Variants in KAZN observed in about 807,000 individuals in gnomAD.
The protein encoded by KAZN is kazrin.
In KAZN, 40 loss-of-function variants were observed where a neutral mutation model predicts 87.4. The ratio of observed to expected loss-of-function variants is 0.46; its 90% CI spans 0.36 to 0.60. The LOEUF is 0.60. Among genes scored for constraint, KAZN ranks in the 20% least tolerant of loss-of-function variants. The pLI is 0.00. For synonymous variants in KAZN, 466 were observed against 458.3 expected (o/e 1.02, Z -0.22); for missense variants, 898 against 1,073.9 (o/e 0.84, Z 2.29).
At chr1:14,400,242 T>A (rs1240793326) in intron 2 of KAZN, among the ~76,000 whole-genome samples, 1 of 152,126 alleles carries the variant, frequency 6.6e-6, no homozygotes, top group Non-Finnish European at 1.5e-5. Context: ...AAGGAAGAAA[T>A]CTCAACATCT....
chr1:14,708,415 G>A (rs1022911350), intron 1 of KAZN, among the ~76,000 whole-genome samples: 32 of 152,298 alleles, frequency 2.1e-4, no homozygotes, highest in African/African-American at 7.2e-4. Flanking sequence ...AGTCTCTTCA[G>A]CACCTGTTAA....
intron 1 of KAZN, among the ~76,000 whole-genome samples, chr1:14,133,833 T>C (rs1253875028): frequency 6.6e-6 from 1 of 152,174 alleles, no homozygotes; most frequent in Admixed American, 6.5e-5. Flanking sequence ...TTTCCAGCCA[T>C]GTGCAGACTG....
chr1:15,093,503 G>C (rs889431440), intron 8 of KAZN, among the ~76,000 whole-genome samples: 4 of 152,122 alleles, frequency 2.6e-5, no homozygotes, highest in Admixed American at 2.6e-4. Context: ...CATGTAAGAG[G>C]GGGGCGGGGG....
intron 2 of KAZN, among the ~76,000 whole-genome samples, chr1:14,202,855 A>C (rs1646667367): frequency 6.6e-6 from 1 of 152,012 alleles, no homozygotes; most frequent in Non-Finnish European, 1.5e-5. Flanking sequence ...CGTCTCTACT[A>C]AACATATAAA....
At chr1:14,808,703 TA>T (rs1242669399) in intron 1 of KAZN, among the ~76,000 whole-genome samples, 6 of 152,108 alleles carry the variant, frequency 3.9e-5, no homozygotes, top group Non-Finnish European at 8.8e-5. Flanking sequence ...AAAAAGAAAT[TA>T]TAATATATTA....
At chr1:14,801,931 G>A (rs1047033472) in intron 1 of KAZN, among the ~76,000 whole-genome samples, 4 of 151,870 alleles carry the variant, frequency 2.6e-5, no homozygotes, top group African/African-American at 9.7e-5. Flanking sequence ...TAATCCGCCC[G>A]CCTTGGCCTT....
intron 2 of KAZN, among the ~76,000 whole-genome samples, chr1:14,567,667 T>C (rs1427911972): frequency 6.6e-6 from 1 of 152,248 alleles, no homozygotes; most frequent in Non-Finnish European, 1.5e-5. Flanking sequence ...TGTTTAGTAC[T>C]GTAATTATCA....
At chr1:14,642,096 A>G (rs756500845) in intron 1 of KAZN, among the ~76,000 whole-genome samples, 7 of 152,142 alleles carry the variant, frequency 4.6e-5, no homozygotes, top group Non-Finnish European at 7.4e-5. Context: ...TATGAGGGAA[A>G]TGCAAATTAA....
chr1:14,610,719 G>A (rs991489593), intron 1 of KAZN, among the ~76,000 whole-genome samples: 13 of 151,286 alleles, frequency 8.6e-5, no homozygotes, highest in African/African-American at 2.9e-4. Flanking sequence ...TCATAATTTA[G>A]GATCTTTTAC....
At position 14,928,405 on chromosome 1, in the gene KAZN, T is replaced by C. The variant is rs1659411121; in HGVS notation, c.227-32279T>C. 2.0e-5 allele frequency among the ~76,000 whole-genome samples: 3 copies of C among 150,042 alleles called. No individual in the cohort carries two copies. In the Admixed American group the frequency reaches 2.0e-4, roughly 10 times the overall value. ...CGGAGCTTGCAGTGAACCGAGATCG[T>C]GCCACTGCACTCCAGCCTGGGCGAC... On this transcript the variant is annotated intron_variant, in intron 1 of 14. Coordinates refer to ENST00000376030, the MANE Select transcript of KAZN (RefSeq NM_201628.3).
chr1:14,259,730 A>T (rs1200629350), intron 2 of KAZN, among the ~76,000 whole-genome samples: 1 of 152,206 alleles, frequency 6.6e-6, no homozygotes, highest in Non-Finnish European at 1.5e-5. Flanking sequence ...GGAATCTTTG[A>T]TGCAGGGCTA....
At chr1:13,894,969 CTG>C (rs761469705) in intron 1 of KAZN, among the ~76,000 whole-genome samples, 6 of 152,200 alleles carry the variant, frequency 3.9e-5, no homozygotes, top group Non-Finnish European at 7.3e-5. Context: ...TTATTAAAAA[CTG>C]TGTGATCTCA....
intron 1 of KAZN, among the ~76,000 whole-genome samples, chr1:14,657,208 C>T (rs1036006527): frequency 6.6e-6 from 1 of 151,818 alleles, no homozygotes; most frequent in Non-Finnish European, 1.5e-5. Flanking sequence ...TCAGGCTCCC[C>T]GAGTAGCTGG....
At chr1:14,943,612 C>T (rs1290161070) in intron 1 of KAZN, among the ~76,000 whole-genome samples, 1 of 152,250 alleles carries the variant, frequency 6.6e-6, no homozygotes, top group Non-Finnish European at 1.5e-5. Context: ...TTAATCCCTA[C>T]AGCAATCACT....
At chr1:14,829,895 C>A (rs1471897276) in intron 1 of KAZN, among the ~76,000 whole-genome samples, 1 of 152,218 alleles carries the variant, frequency 6.6e-6, no homozygotes, top group East Asian at 1.9e-4. Context: ...CAGGGGCAGT[C>A]CCAGGCCCTA....
At chr1:14,477,464 T>TTCTCTC (rs1199519230) in intron 2 of KAZN, among the ~76,000 whole-genome samples, 5 of 135,510 alleles carry the variant, frequency 3.7e-5, no homozygotes, top group East Asian at 4.0e-4. Flanking sequence ...CTCTCTCTCT[T>TTCTCTC]TCTCTCTCTC....
chr1:14,900,640 A>G (rs563376026), intron 1 of KAZN, among the ~76,000 whole-genome samples: 7 of 151,652 alleles, frequency 4.6e-5, no homozygotes, highest in African/African-American at 1.7e-4. Context: ...TGTAGTCCCA[A>G]CTACTCGGGA....
chr1:14,776,691 C>G (rs1645183261), intron 1 of KAZN, among the ~76,000 whole-genome samples: 1 of 152,066 alleles, frequency 6.6e-6, no homozygotes, highest in Non-Finnish European at 1.5e-5. Flanking sequence ...CTTTGAGAGG[C>G]CTAGGTGGGA....
chr1:15,049,551 C>T (rs891709728), intron 4 of KAZN, among the ~76,000 whole-genome samples: 6 of 152,158 alleles, frequency 3.9e-5, no homozygotes, highest in African/African-American at 1.4e-4. Context: ...AGAATCACCC[C>T]AGACTGGAAG....
Sources: gnomAD v4.1 joint callset for allele counts (sites outside exome capture counted in the v4.1 genomes callset) on GRCh38, gnomAD v4.1.1 for gene constraint, MANE v1.5 for transcripts, NCBI Gene and HGNC (gene_info 2026-07-23, HGNC 2026-07-21) for gene names.